The following PTPN7 variants were observed in gnomAD, a reference collection of about 807,000 sequenced individuals.
The protein encoded by PTPN7 is tyrosine-protein phosphatase non-receptor type 7.
PTPN7 carries 33 observed loss-of-function variants against 50.3 expected under a neutral mutation model. The observed-to-expected ratio is 0.66, with a 90% CI of 0.50 to 0.88. The LOEUF is 0.88. PTPN7 is among the 40% of genes least tolerant of loss of function. The probability of loss-of-function intolerance (pLI) is 0.00; values close to 1 mark genes in which losing one functional copy is unlikely to be tolerated. For missense variants in PTPN7, 412 were observed against 475.4 expected (o/e 0.87, Z 1.24); for synonymous variants, 185 against 186.6 (o/e 0.99, Z 0.07).
At chr1:202,148,847 CTTTTTT>C (rs10652170) in intron 9 of PTPN7, 148 bp from the exon 10 acceptor site, 160 of 137,504 alleles carry the variant, frequency 1.2e-3, no homozygotes, top group African/African-American at 4.3e-3. Context: ...CATCTTTTCA[CTTTTTT>C]TTTTTTTTTT....
Position 202,148,677 on chromosome 1 carries a change from C to G in PTPN7, c.1012G>C (p.Glu338Gln), listed in dbSNP as rs751547685. The change falls in exon 10 of 10, where the codon GAG (glutamate) becomes CAG (glutamine). Residue 338 changes from glutamate to glutamine, a missense_variant. Transcript: ENST00000691036. ...LDRGGMIQTA[E>Q]QYQFLHHTLA... ...GTGTGGTGCAGGAACTGGTACTGCT[C>G]TGCCGTCTGGATCATCCCCCCTCTG... The G allele has an allele frequency of 2.5e-6, 4 of 1,613,746 alleles. No homozygotes were observed. The African/African-American group carries it at 4.0e-5, about 16-fold the overall frequency.
intron 7 of PTPN7, 43 bp from the exon 8 acceptor site, chr1:202,152,742 G>A (rs1196776818): frequency 1.9e-6 from 3 of 1,599,834 alleles, no homozygotes; most frequent in Admixed American, 1.7e-5. Context: ...CAGGGTGGAG[G>A]GCACTGTCTA....
Position 202,159,429 on chromosome 1 carries a change from G to A in PTPN7, c.-27C>T, listed in dbSNP as rs982818702. The stretch of plus-strand genomic sequence containing the variant: ...CTGAGGTGGGGTGCTGGGCCCAGGG[G>A]AGGCTCACTCAGCCATGAGGTCTGC... On this transcript the variant is annotated 5_prime_UTR_variant, in exon 2 of 10. Transcript: ENST00000691036. This position sits in a 1 kb window ranked among gnomAD's most constrained non-coding sequence, Gnocchi z 4.6. The A allele has an allele frequency of 3.1e-6, 5 of 1,613,980 alleles. No homozygotes were observed. The African/African-American group carries it at 4.0e-5, about 13-fold the overall frequency.
intron 9 of PTPN7, among the ~76,000 whole-genome samples, chr1:202,149,099 C>T (rs1388989261): frequency 6.6e-6 from 1 of 152,098 alleles, no homozygotes; most frequent in Non-Finnish European, 1.5e-5. Flanking sequence ...AAGTGATTGG[C>T]CCATCTTGGC....
chr1:202,157,698 G>T (rs201732577), intron 4 of PTPN7, 41 bp downstream of exon 4: 7 of 1,561,578 alleles, frequency 4.5e-6, no homozygotes, highest in Non-Finnish European at 6.2e-6. Context: ...CTAGCCCCAG[G>T]GACTGTACCC....
intron 9 of PTPN7, chr1:202,150,076 A>T: frequency 2.5e-6 from 1 of 398,278 alleles, no homozygotes; most frequent in South Asian, 2.8e-5. Flanking sequence ...CAGGTGATCC[A>T]CCCGCCTCAG....
chr1:202,160,549 G>A lies in PTPN7; in HGVS notation c.-57C>T, dbSNP rs1557982158. ...GTCCCCCCTTCAGATACTTACTGAA[G>A]CAGCTGTGGCCCCCAGGCTGCCTCT... is the stretch of plus-strand genomic sequence containing the variant. On this transcript the variant is annotated 5_prime_UTR_variant, in exon 1 of 10. Transcript: ENST00000691036. This position sits in a 1 kb window ranked among gnomAD's most constrained non-coding sequence, Gnocchi z 4.8. 6.5e-7 allele frequency: 1 copy of A among 1,547,434 alleles called. No individual in the cohort carries two copies. The highest frequency in any genetic ancestry group is 8.7e-7 in the Non-Finnish European group (1 of 1,144,584).
chr1:202,160,659 G>A (rs1169726742), upstream of PTPN7: 6 of 1,550,454 alleles, frequency 3.9e-6, no homozygotes, highest in East Asian at 1.5e-4. This position sits in a 1 kb window ranked among gnomAD's most constrained non-coding sequence, Gnocchi z 4.8. Context: ...GCCCCTCCTT[G>A]CTGCCACCCA....
In PTPN7 at chr1:202,159,175, G is replaced by T; in HGVS notation, c.122+106C>A. The T allele has an allele frequency of 1.8e-6, 2 of 1,106,886 alleles. No homozygotes were observed. Among genetic ancestry groups the T allele is most frequent in the Non-Finnish European group, 2.7e-6 (2 of 751,718 alleles). 68.6% of individuals were successfully genotyped at this position (1,106,886 alleles called of 1,614,324 possible). A position where few individuals can be genotyped will look rare whatever the true frequency, so the allele number is the denominator to read the frequency against. ...TTCCAAATTGGAGTCAACAACTGAG[G>T]GCCCTCTGGACCCTGCTGTCAGAGC... On this transcript the variant is annotated intron_variant, in intron 2 of 9. Transcript: ENST00000691036. The surrounding 1 kb of genome is among the most constrained non-coding windows in gnomAD (Gnocchi z 4.6).
chr1:202,150,662 T>G (rs1042957281), intron 8 of PTPN7, among the ~76,000 whole-genome samples: 1 of 152,192 alleles, frequency 6.6e-6, no homozygotes, highest in Admixed American at 6.5e-5. Flanking sequence ...ACTGTAAGCC[T>G]GTTGCAGGCC....
At position 202,159,772 on chromosome 1, in the gene PTPN7, G is replaced by A; in HGVS notation, c.-52-318C>T. The A allele has an allele frequency of 8.0e-7, 1 of 1,248,634 alleles. No individual in the cohort carries two copies. The highest frequency in any genetic ancestry group is 3.1e-5 in the East Asian group (1 of 32,216). 77.3% of individuals were successfully genotyped at this position (1,248,634 alleles called of 1,614,324 possible). A position where few individuals can be genotyped will look rare whatever the true frequency, so the allele number is the denominator to read the frequency against. On this transcript the variant is annotated intron_variant, in intron 1 of 9. Transcript: ENST00000691036. This position sits in a 1 kb window ranked among gnomAD's most constrained non-coding sequence, Gnocchi z 4.6. Reference sequence around the variant, plus strand: ...CAGGGCTCTGAGCAGGTCCAAGTGGGAGAAGGCAAGGGAGGAAACAGAAAA... The same window carrying A: ...CAGGGCTCTGAGCAGGTCCAAGTGGAAGAAGGCAAGGGAGGAAACAGAAAA...
intron 9 of PTPN7, among the ~76,000 whole-genome samples, chr1:202,149,659 G>T (rs1031500884): frequency 2.0e-5 from 3 of 151,776 alleles, no homozygotes; most frequent in Admixed American, 6.6e-5. Flanking sequence ...GAAAAAAAAA[G>T]AAATGGGGGC....
rs748686564 is a variant in PTPN7, at chr1:202,154,336, A to C, written c.469-13T>G. 6.2e-7 allele frequency: 1 copy of C among 1,606,074 alleles called. No homozygotes were observed. Among genetic ancestry groups the C allele is most frequent in the African/African-American group, 1.3e-5 (1 of 74,870 alleles). On this transcript the variant is annotated splice_polypyrimidine_tract_variant and intron_variant, in intron 5 of 9. Transcript: ENST00000691036. ...TCCCGTCATAGCCCTGGAAGGTGGA[A>C]GCACAGGGGAAGGGGTGGGGAGCAG...
chr1:202,153,583 A>G (rs1320046125), intron 7 of PTPN7, 142 bp downstream of exon 7: 1 of 666,912 alleles, frequency 1.5e-6, no homozygotes, highest in Non-Finnish European at 2.6e-6. Context: ...ACAGTGCTCA[A>G]GTTTCTCTTT....
At chr1:202,161,493 C>A, upstream of PTPN7, 13 of 1,289,830 alleles carry the variant, frequency 1.0e-5, no homozygotes, top group South Asian at 1.2e-5. Flanking sequence ...AAGTCCAAGA[C>A]TCCTCTGCCC....
intron 7 of PTPN7, among the ~76,000 whole-genome samples, chr1:202,153,168 G>T (rs1282138472): frequency 1.3e-5 from 2 of 151,080 alleles, no homozygotes; most frequent in South Asian, 2.1e-4. Flanking sequence ...TATTTTGTTT[G>T]TTTTTTTTTG....
rs1657260135 is a variant in PTPN7 at position 202,160,519 on chromosome 1, T to C, written c.-53+26A>G. 2 of 1,532,840 alleles carry C rather than the reference T, an allele frequency of 1.3e-6. No homozygotes were observed. Among genetic ancestry groups the C allele is most frequent in the African/African-American group, 1.4e-5 (1 of 72,744 alleles). The allele number at this position is 1,532,840 out of a possible 1,614,324, so 95.0% of individuals were successfully genotyped here. A position where few individuals can be genotyped will look rare whatever the true frequency, so the allele number is the denominator to read the frequency against. On this transcript the variant is annotated intron_variant, in intron 1 of 9. Transcript: ENST00000691036. This position sits in a 1 kb window ranked among gnomAD's most constrained non-coding sequence, Gnocchi z 4.8. Reference sequence around the variant, plus strand: ...TTCGCACCCCCCGGGGCCACAGGACTCCCAGTCCCCCCTTCAGATACTTAC... The same window carrying C: ...TTCGCACCCCCCGGGGCCACAGGACCCCCAGTCCCCCCTTCAGATACTTAC...
Position 202,160,256 on chromosome 1 carries a change from G to A in PTPN7, c.-53+289C>T, listed in dbSNP as rs1657219674. 6.6e-6 allele frequency among the ~76,000 whole-genome samples: 1 copy of A among 152,130 alleles called. No homozygotes were observed. Among genetic ancestry groups the A allele is most frequent in the Non-Finnish European group, 1.5e-5 (1 of 68,018 alleles). ...GGGTGTTGAATCACCAAGGCAGCAG[G>A]GACGGAGGTGAGGGGACAGAATGGG... is the stretch of plus-strand genomic sequence containing the variant. On this transcript the variant is annotated intron_variant, in intron 1 of 9. Coordinates refer to ENST00000691036, the MANE Select transcript of PTPN7 (RefSeq NM_002832.4). The surrounding 1 kb of genome is among the most constrained non-coding windows in gnomAD (Gnocchi z 4.8).
chr1:202,150,074 C>T lies in PTPN7; in HGVS notation c.989+237G>A, dbSNP rs1655792583. 7.6e-6 allele frequency: 3 copies of T among 393,056 alleles called. No homozygotes were observed. The South Asian group carries it at 8.6e-5, about 11-fold the overall frequency. The allele number at this position is 393,056 out of a possible 1,614,324, so 24.3% of individuals were successfully genotyped here. ...TCTCGAACTCCTGGGCTCAGGTGAT[C>T]CACCCGCCTCAGCCTCCCAAAGTGC... On this transcript the variant is annotated intron_variant, in intron 9 of 9. Transcript: ENST00000691036.
Sources: gnomAD v4.1 joint callset for allele counts (sites outside exome capture counted in the v4.1 genomes callset) on GRCh38, gnomAD v4.1.1 for gene constraint, Gnocchi (gnomAD v3.1) non-coding constraint, MANE v1.5 for transcripts, NCBI Gene and HGNC (gene_info 2026-07-23, HGNC 2026-07-21) for gene names.